Variants in UTP20 observed in about 807,000 individuals in gnomAD.
The protein encoded by UTP20 is small subunit processome component 20 homolog.
Under a neutral mutation model 329.5 loss-of-function variants are expected in UTP20, and 164 were observed. The ratio of observed to expected loss-of-function variants is 0.50; its 90% CI spans 0.44 to 0.57. UTP20 has a LOEUF of 0.57. Ranked by LOEUF, UTP20 falls within the 20% of genes least tolerant of loss-of-function variation. UTP20 has a pLI of 0.00. For missense variants in UTP20, 3,055 were observed against 3,284.2 expected, an observed-to-expected ratio of 0.93 and a Z score of 1.71; for synonymous variants, 1,151 against 1,159.3, an observed-to-expected ratio of 0.99 and a Z score of 0.14.
intron 58 of UTP20, among the ~76,000 whole-genome samples, chr12:101,382,018 C>CAA (rs756789889): frequency 0.65 from 69,314 of 107,196 alleles, 23,147 homozygotes; most frequent in Non-Finnish European, 0.7. Context: ...GACTCTGTAT[C>CAA]AAAAAAAAAA....
At chr12:101,353,012 A>C in intron 39 of UTP20, 35 bp from the exon 40 acceptor site, 1 of 1,344,864 alleles carries the variant, frequency 7.4e-7, no homozygotes, top group Non-Finnish European at 1.0e-6. Flanking sequence ...ATTAATAATC[A>C]AATGAACATT....
intron 8 of UTP20, 152 bp from the exon 9 acceptor site, chr12:101,291,590 T>C (rs1267767021): frequency 1.7e-6 from 1 of 594,126 alleles, no homozygotes; most frequent in African/African-American, 1.9e-5. Flanking sequence ...TCAGCCAATG[T>C]TAGCTGTTAT....
At chr12:101,300,929 C>G (rs978882338) in intron 14 of UTP20, among the ~76,000 whole-genome samples, 1 of 152,114 alleles carries the variant, frequency 6.6e-6, no homozygotes, top group Non-Finnish European at 1.5e-5. Context: ...CAGCACTGAT[C>G]TAGAGCCTAG....
chr12:101,359,154 C>T (rs1869826091), intron 43 of UTP20, among the ~76,000 whole-genome samples: 2 of 152,138 alleles, frequency 1.3e-5, no homozygotes, highest in South Asian at 4.1e-4. Context: ...ACCTCCACTT[C>T]TCGGGTTCAA....
At position 101,291,823 on chromosome 12, in the gene UTP20, A is replaced by C. The variant is rs746045285; in HGVS notation, c.973A>C (p.Thr325Pro). 6.8e-6 allele frequency: 11 copies of C among 1,613,866 alleles called. No homozygotes were observed. Among genetic ancestry groups the C allele is most frequent in the Non-Finnish European group, 9.3e-6 (11 of 1,179,976 alleles). Residue 325 changes from threonine to proline, a missense_variant, in exon 9 of 62, where the codon ACA becomes CCA. By Grantham distance (38) the Thr-to-Pro change is conservative. Coordinates refer to ENST00000261637, the MANE Select transcript of UTP20 (RefSeq NM_014503.3). ...SSEQIKRLLE[T>P]YLILVKHGSG... ...TGAACAGATTAAAAGGTTGTTGGAAACATACCTTATACTTGTAAAACATGG... is the reference window on the plus strand; with the variant it reads ...TGAACAGATTAAAAGGTTGTTGGAACCATACCTTATACTTGTAAAACATGG...
intron 6 of UTP20, among the ~76,000 whole-genome samples, chr12:101,289,356 G>C (rs1376621444): frequency 6.7e-6 from 1 of 148,880 alleles, no homozygotes; most frequent in East Asian, 1.9e-4. Context: ...CAGCCTAGGC[G>C]ACAGAGCAAG....
intron 35 of UTP20, 25 bp downstream of exon 35, chr12:101,343,118 A>T (rs533810101): frequency 2.0e-6 from 3 of 1,533,556 alleles, no homozygotes; most frequent in East Asian, 2.3e-5. Flanking sequence ...CAAAATTTTT[A>T]AATTATTTTT....
At chr12:101,341,014 C>T (rs1359433466) in intron 32 of UTP20, among the ~76,000 whole-genome samples, 2 of 111,120 alleles carry the variant, frequency 1.8e-5, no homozygotes, top group African/African-American at 7.0e-5. Context: ...TCACTCTTGT[C>T]CTCCAGGCTG....
chr12:101,345,030 C>T (rs543494426), intron 36 of UTP20, among the ~76,000 whole-genome samples: 2 of 148,708 alleles, frequency 1.3e-5, no homozygotes, highest in African/African-American at 4.9e-5. Flanking sequence ...ACTGCAACCT[C>T]CGCCTCCCGG....
chr12:101,318,083 C>G (rs1253307832), intron 22 of UTP20, among the ~76,000 whole-genome samples: 1 of 152,038 alleles, frequency 6.6e-6, no homozygotes, highest in Non-Finnish European at 1.5e-5. Flanking sequence ...TTCCTTCCAC[C>G]CACCTTCCCC....
chr12:101,319,455 T>C, intron 22 of UTP20, 90 bp from the exon 23 acceptor site: 1 of 914,520 alleles, frequency 1.1e-6, no homozygotes, highest in Middle Eastern at 2.3e-4. Flanking sequence ...GTGTTTGAAG[T>C]TCTAGTCAGA....
In UTP20 at chr12:101,329,404, C is replaced by G; in HGVS notation, c.3372C>G (p.Leu1124=). The G allele has an allele frequency of 6.2e-7, 1 of 1,614,066 alleles. No individual in the cohort carries two copies. Among genetic ancestry groups the G allele is most frequent in the Non-Finnish European group, 8.5e-7 (1 of 1,179,974 alleles). Residue 1124 remains leucine, a synonymous_variant, in exon 27 of 62, where the codon CTC becomes CTG. Coordinates refer to ENST00000261637, the MANE Select transcript of UTP20 (RefSeq NM_014503.3). ...AYLPKILQIL[L]CMTATVSHIL... ...TGCCGAAGATTTTGCAGATACTGCT[C>G]TGTATGACAGCAACCGTATCACACA...
In UTP20 at chr12:101,383,641, G is replaced by T; in HGVS notation, c.8028G>T (p.Arg2676=). 6.2e-7 allele frequency: 1 copy of T among 1,613,408 alleles called. No individual in the cohort carries two copies. The highest frequency in any genetic ancestry group is 8.5e-7 in the Non-Finnish European group (1 of 1,179,650). ...YLPMIIAPLF[R]ELNSTYSEQD... is the part of the protein sequence containing the mutation. The stretch of plus-strand genomic sequence containing the variant: ...CAATGATCATAGCTCCTTTGTTTCG[G>T]GAACTCAACAGCACCTATTCAGAGC... Residue 2676 remains arginine (R), a synonymous_variant, in exon 60 of 62, where the codon CGG becomes CGT. Coordinates refer to ENST00000261637, the MANE Select transcript of UTP20 (RefSeq NM_014503.3).
intron 11 of UTP20, among the ~76,000 whole-genome samples, chr12:101,294,458 G>A (rs1872279887): frequency 6.6e-6 from 1 of 151,146 alleles, no homozygotes; most frequent in African/African-American, 2.4e-5. Flanking sequence ...AGAAATTTTG[G>A]TTGAATCCAT....
chr12:101,375,789 C>A, intron 56 of UTP20, 33 bp downstream of exon 56: 1 of 1,305,194 alleles, frequency 7.7e-7, no homozygotes, highest in Non-Finnish European at 1.1e-6. Context: ...AAATCAAACA[C>A]ATTTGTTGTC....
chr12:101,355,422 T>A (rs1244989986), intron 41 of UTP20, among the ~76,000 whole-genome samples: 2 of 152,216 alleles, frequency 1.3e-5, no homozygotes, highest in Non-Finnish European at 2.9e-5. Context: ...AATGTTTCCA[T>A]TTTCTACTTT....
intron 11 of UTP20, 120 bp downstream of exon 11, chr12:101,293,365 GT>G: frequency 1.2e-6 from 1 of 814,650 alleles, no homozygotes; most frequent in Non-Finnish European, 1.9e-6. Flanking sequence ...AGTGCTTGAT[GT>G]TTTAGTCAAT....
At chr12:101,333,708 T>A (rs1430744453) in intron 28 of UTP20, among the ~76,000 whole-genome samples, 1 of 152,178 alleles carries the variant, frequency 6.6e-6, no homozygotes, top group Non-Finnish European at 1.5e-5. Context: ...GTAACATAAC[T>A]GTTTTTTTGA....
At chr12:101,291,631 T>C in intron 8 of UTP20, 111 bp from the exon 9 acceptor site, 1 of 1,171,278 alleles carries the variant, frequency 8.5e-7, no homozygotes, top group Non-Finnish European at 1.1e-6. Flanking sequence ...TGTATCTTTT[T>C]CTTCCAAAGC....
Sources: allele counts gnomAD v4.1 joint callset (sites outside exome capture counted in the v4.1 genomes callset), GRCh38; gene constraint gnomAD v4.1.1; transcripts MANE v1.5; gene names NCBI Gene and HGNC (gene_info 2026-07-23, HGNC 2026-07-21).